DAB1: variants seen among roughly 807,000 people sequenced by gnomAD.
The protein encoded by DAB1 is disabled homolog 1.
A neutral mutation model predicts 64.6 loss-of-function variants in DAB1; 15 were observed. That is an observed-to-expected ratio of 0.23 (90% confidence interval 0.16 to 0.36). The LOEUF (loss-of-function observed/expected upper bound fraction) is 0.36, where lower values mean the gene tolerates loss of function less well. Among genes scored for constraint, DAB1 ranks in the 10% least tolerant of loss-of-function variants. DAB1 has a pLI of 1.00. For missense variants in DAB1, 596 were observed against 706.7 expected (o/e 0.84, Z 1.78); for synonymous variants, 235 against 251.9 (o/e 0.93, Z 0.64).
intron 14 of DAB1, among the ~76,000 whole-genome samples, chr1:56,999,676 C>T (rs1645770335): frequency 6.6e-6 from 1 of 152,168 alleles, no homozygotes; most frequent in Non-Finnish European, 1.5e-5. Flanking sequence ...CATCATTGTA[C>T]AGATGAGGAA....
In DAB1 at chr1:58,408,827, C is replaced by T. The variant is rs370802794; in HGVS notation, n.258-65424G>A. On this transcript the variant is annotated intron_variant and non_coding_transcript_variant, in intron 3 of 20. Transcript: ENST00000485760. ...CTGCTGAACTGTGCTGGGTAGAAGG[C>T]GACTTTATGCAGAGGTGATGTGGGT... is the stretch of plus-strand genomic sequence containing the variant. Among the ~76,000 whole-genome samples the T allele has an allele frequency of 3.0e-4, 46 of 152,234 alleles. No individual in the cohort carries two copies. The South Asian group carries it at 7.1e-3, about 23-fold the overall frequency.
At chr1:58,112,066 C>T (rs958548389) in intron 5 of DAB1, among the ~76,000 whole-genome samples, 1 of 152,152 alleles carries the variant, frequency 6.6e-6, no homozygotes, top group Admixed American at 6.5e-5. Context: ...TTGGCACCTA[C>T]TATTTCCTCT....
intron 1 of DAB1, among the ~76,000 whole-genome samples, chr1:57,839,029 T>C (rs1257201103): frequency 6.6e-6 from 1 of 152,070 alleles, no homozygotes; most frequent in African/African-American, 2.4e-5. Context: ...GATCCTCCCA[T>C]CTAGGCCTCC....
In DAB1 at chr1:57,644,190, G is replaced by A. The variant is rs1445693860; in HGVS notation, n.625+5402C>T. Among the ~76,000 whole-genome samples, 3 of 152,096 alleles carry A rather than the reference G, an allele frequency of 2.0e-5. No homozygotes were observed. In the East Asian group the frequency reaches 5.8e-4, roughly 29 times the overall value. ...GTACTACTTACGGGGTTAATTTCAT[G>A]AGGAGCCTGATTTGGAAGTTCAAAA... On this transcript the variant is annotated intron_variant and non_coding_transcript_variant, in intron 7 of 20. Transcript: ENST00000485760.
At chr1:57,182,862 A>G (rs973852280) in intron 2 of DAB1, among the ~76,000 whole-genome samples, 2 of 152,184 alleles carry the variant, frequency 1.3e-5, no homozygotes, top group African/African-American at 2.4e-5. Context: ...TGTGCTGTCT[A>G]ATATGTGAGA....
chr1:58,304,872 C>T (rs774545423), intron 4 of DAB1, among the ~76,000 whole-genome samples: 91 of 152,150 alleles, frequency 6.0e-4, no homozygotes, highest in Non-Finnish European at 1.6e-4. Context: ...ACTCTCTTTT[C>T]ACATGCATAT....
chr1:57,266,984 G>T (rs1670633859), intron 2 of DAB1, among the ~76,000 whole-genome samples: 1 of 152,098 alleles, frequency 6.6e-6, no homozygotes, highest in Non-Finnish European at 1.5e-5. Context: ...GGGCTAAATG[G>T]TGGTCCCAAA....
At chr1:58,145,759 T>C (rs776646411) in intron 5 of DAB1, among the ~76,000 whole-genome samples, 5 of 152,228 alleles carry the variant, frequency 3.3e-5, no homozygotes, top group Non-Finnish European at 7.3e-5. Context: ...GCTGGTCCAA[T>C]GATTGTTTCC....
intron 4 of DAB1, among the ~76,000 whole-genome samples, chr1:58,252,195 C>T (rs1660818250): frequency 6.6e-6 from 1 of 152,180 alleles, no homozygotes; most frequent in South Asian, 2.1e-4. Context: ...CTCTGGAGTG[C>T]TCCTATAACC....
At chr1:58,038,539 C>G (rs1647081948) in intron 5 of DAB1, among the ~76,000 whole-genome samples, 1 of 151,966 alleles carries the variant, frequency 6.6e-6, no homozygotes, top group African/African-American at 2.4e-5. Flanking sequence ...GACCGTGGTT[C>G]TTCACCAGGG....
chr1:57,558,414 C>T (rs546501851), intron 7 of DAB1, among the ~76,000 whole-genome samples: 1 of 152,274 alleles, frequency 6.6e-6, no homozygotes, highest in Non-Finnish European at 1.5e-5. Flanking sequence ...CAGCGGGCCC[C>T]TAGAGGTGAG....
chr1:57,534,560 C>G (rs1259227741), intron 7 of DAB1, among the ~76,000 whole-genome samples: 1 of 152,214 alleles, frequency 6.6e-6, no homozygotes, highest in Non-Finnish European at 1.5e-5. Context: ...GCATCACACC[C>G]TCCCAGTTCA....
At chr1:57,834,426 T>A (rs974882874) in intron 1 of DAB1, among the ~76,000 whole-genome samples, 2 of 152,206 alleles carry the variant, frequency 1.3e-5, no homozygotes. Context: ...GTGGAATAGA[T>A]ACATATTTCC....
intron 5 of DAB1, among the ~76,000 whole-genome samples, chr1:58,003,970 A>G (rs1646543695): frequency 6.6e-6 from 1 of 152,184 alleles, no homozygotes; most frequent in Admixed American, 6.5e-5. Flanking sequence ...AGGGAAATAT[A>G]TTAGCATACG....
At chr1:57,092,590 G>A (rs1443405759) in intron 4 of DAB1, among the ~76,000 whole-genome samples, 1 of 149,734 alleles carries the variant, frequency 6.7e-6, no homozygotes, top group African/African-American at 2.5e-5. Flanking sequence ...ATGTGAAACT[G>A]TGAGTCAATG....
chr1:58,545,242 C>T (rs1358739358), intron 1 of DAB1, among the ~76,000 whole-genome samples: 4 of 152,194 alleles, frequency 2.6e-5, no homozygotes, highest in African/African-American at 9.7e-5. Flanking sequence ...ACATGACAAG[C>T]AAACTCCTTC....
At chr1:57,631,097 T>C (rs6668341) in intron 7 of DAB1, among the ~76,000 whole-genome samples, 112,153 of 152,100 alleles carry the variant, frequency 0.74, 42,752 homozygotes, top group Non-Finnish European at 0.83. Flanking sequence ...AGATGTAGAC[T>C]TATCAAATAT....
At chr1:58,038,092 C>T (rs1348724642) in intron 5 of DAB1, among the ~76,000 whole-genome samples, 1 of 152,120 alleles carries the variant, frequency 6.6e-6, no homozygotes, top group Non-Finnish European at 1.5e-5. Flanking sequence ...GACTTGATAT[C>T]TTTTATATTT....
chr1:58,354,307 C>T (rs561543248), intron 3 of DAB1, among the ~76,000 whole-genome samples: 4 of 152,210 alleles, frequency 2.6e-5, no homozygotes, highest in African/African-American at 7.2e-5. Flanking sequence ...CACATCAACA[C>T]GGGCTAAGGT....
Sources: allele counts gnomAD v4.1 joint callset (sites outside exome capture counted in the v4.1 genomes callset), GRCh38; gene constraint gnomAD v4.1.1; transcripts MANE v1.5; gene names NCBI Gene and HGNC (gene_info 2026-07-23, HGNC 2026-07-21).